ANO4: variants seen among roughly 807,000 people sequenced by gnomAD.
ANO4 encodes the protein anoctamin-4.
ANO4 carries 69 observed loss-of-function variants against 141.9 expected under a neutral mutation model. The observed-to-expected ratio is 0.49, with a 90% confidence interval of 0.40 to 0.59. ANO4 has a LOEUF of 0.59. Ranked by LOEUF, ANO4 falls within the 20% of genes least tolerant of loss-of-function variation. The pLI, the probability that ANO4 is intolerant of heterozygous loss-of-function variation, is 0.00. For synonymous variants in ANO4, 350 were observed against 394.3 expected, an observed-to-expected ratio of 0.89 and a Z score of 1.33; for missense variants, 894 against 1,162.2, an observed-to-expected ratio of 0.77 and a Z score of 3.36.
intron 8 of ANO4, among the ~76,000 whole-genome samples, chr12:101,004,174 C>G (rs1043829871): frequency 6.6e-6 from 1 of 151,654 alleles, no homozygotes; most frequent in Non-Finnish European, 1.5e-5. Context: ...ACTATAGTGT[C>G]GCAAAGGAAA....
intron 10 of ANO4, among the ~76,000 whole-genome samples, chr12:101,037,742 C>G (rs1174681580): frequency 6.6e-6 from 1 of 152,158 alleles, no homozygotes; most frequent in Non-Finnish European, 1.5e-5. Context: ...TTCCCCTACA[C>G]CTGGGTTTTT....
At position 100,754,041 on chromosome 12, in the gene ANO4, C is replaced by G. The variant is rs555046283; in HGVS notation, c.358+13936C>G. On this transcript the variant is annotated intron_variant, in intron 3 of 29. Transcript: ENST00000644049. ...TTGCTCTTGTGAATAATGGCTGGCA[C>G]CATTATTCAACCAGACACTGAAATT... Among the ~76,000 whole-genome samples the G allele has an allele frequency of 1.2e-4, 18 of 152,276 alleles. No homozygotes were observed. The South Asian group carries it at 3.5e-3, about 30-fold the overall frequency.
At chr12:100,946,118 G>A (rs912509899) in intron 5 of ANO4, among the ~76,000 whole-genome samples, 1 of 152,176 alleles carries the variant, frequency 6.6e-6, no homozygotes, top group African/African-American at 2.4e-5. Context: ...GATGGAGCAT[G>A]CCTGGTGTGT....
intron 14 of ANO4, among the ~76,000 whole-genome samples, chr12:101,054,242 A>ATT (rs2048001937): frequency 1.3e-5 from 2 of 152,190 alleles, no homozygotes; most frequent in African/African-American, 4.8e-5. Context: ...TTGTATTTAA[A>ATT]TTTTTTTAAA....
At chr12:101,088,115 C>T (rs1336125894) in intron 17 of ANO4, among the ~76,000 whole-genome samples, 1 of 152,108 alleles carries the variant, frequency 6.6e-6, no homozygotes, top group Non-Finnish European at 1.5e-5. Context: ...GGCTTTCGCT[C>T]ATCTGGTCTG....
At chr12:101,062,376 A>T (rs1011913758) in intron 14 of ANO4, among the ~76,000 whole-genome samples, 5 of 152,172 alleles carry the variant, frequency 3.3e-5, no homozygotes, top group Non-Finnish European at 7.4e-5. Context: ...GACCCACTTG[A>T]GGAGGTAGTC....
chr12:101,039,179 T>C (rs1365991118), intron 10 of ANO4: 1 of 152,186 alleles, frequency 6.6e-6, no homozygotes, highest in Non-Finnish European at 1.5e-5. Context: ...GTTACAACTA[T>C]GGCTGTTTAC....
At chr12:100,942,586 G>A (rs753355407) in intron 5 of ANO4, 51 bp downstream of exon 5, 1 of 1,555,110 alleles carries the variant, frequency 6.4e-7, no homozygotes, top group African/African-American at 1.4e-5. Flanking sequence ...CTATTCATAT[G>A]AAGAGGCAAT....
intron 7 of ANO4, among the ~76,000 whole-genome samples, chr12:100,978,672 A>C (rs2044312436): frequency 2.0e-5 from 3 of 152,224 alleles, no homozygotes; most frequent in Admixed American, 2.0e-4. Flanking sequence ...AAGGCAAAGC[A>C]TGTGAGAAAT....
At chr12:100,763,948 T>C (rs888783051) in intron 3 of ANO4, among the ~76,000 whole-genome samples, 2 of 152,148 alleles carry the variant, frequency 1.3e-5, no homozygotes, top group African/African-American at 4.8e-5. Context: ...CCAACTGTTA[T>C]GTATCTCAAG....
chr12:101,013,118 T>C (rs1398652273), intron 8 of ANO4, among the ~76,000 whole-genome samples: 3 of 152,182 alleles, frequency 2.0e-5, no homozygotes, highest in African/African-American at 7.2e-5. Context: ...AGTGCCCTTT[T>C]TTAAGATGGA....
chr12:100,752,725 G>A (rs2032440016), intron 3 of ANO4, among the ~76,000 whole-genome samples: 1 of 152,134 alleles, frequency 6.6e-6, no homozygotes, highest in Admixed American at 6.6e-5. Context: ...TCCCAGAGTT[G>A]GCAAAGATGT....
chr12:101,094,322 C>G (rs751565150), intron 18 of ANO4, 30 bp downstream of exon 18: 7 of 1,581,292 alleles, frequency 4.4e-6, no homozygotes, highest in Non-Finnish European at 5.2e-6. Flanking sequence ...TTTCATAGAA[C>G]TGTACTGTGG....
chr12:100,858,473 A>G (rs936287979), intron 1 of ANO4, among the ~76,000 whole-genome samples: 1 of 152,174 alleles, frequency 6.6e-6, no homozygotes, highest in African/African-American at 2.4e-5. Flanking sequence ...GGCAATATCT[A>G]TATGTATATG....
chr12:100,829,827 G>A (rs1337088022), intron 1 of ANO4, among the ~76,000 whole-genome samples: 1 of 152,068 alleles, frequency 6.6e-6, no homozygotes, highest in African/African-American at 2.4e-5. Context: ...TCTTTGTGAA[G>A]TGGGTGCCAT....
intron 14 of ANO4, among the ~76,000 whole-genome samples, chr12:101,056,460 T>A (rs909139365): frequency 1.3e-5 from 2 of 152,196 alleles, no homozygotes; most frequent in Non-Finnish European, 2.9e-5. Context: ...TGTGACTTAC[T>A]AAACTCAGTT....
chr12:100,857,943 C>G (rs1437019872), intron 1 of ANO4, among the ~76,000 whole-genome samples: 2 of 151,944 alleles, frequency 1.3e-5, no homozygotes, highest in Non-Finnish European at 2.9e-5. Flanking sequence ...ACCACTAGAA[C>G]CAGAAAAGAA....
chr12:100,735,429 C>T (rs2031562567), intron 2 of ANO4, among the ~76,000 whole-genome samples: 1 of 152,148 alleles, frequency 6.6e-6, no homozygotes, highest in East Asian at 1.9e-4. Context: ...AGACATTAAA[C>T]ATTAGCTAAG....
chr12:101,125,097 C>T (rs1007627857), intron 26 of ANO4, among the ~76,000 whole-genome samples: 3 of 152,166 alleles, frequency 2.0e-5, no homozygotes, highest in African/African-American at 7.2e-5. Context: ...TCTTTCTATC[C>T]ATGAGCATGG....
Sources: allele counts gnomAD v4.1 joint callset (sites outside exome capture counted in the v4.1 genomes callset), GRCh38; gene constraint gnomAD v4.1.1; transcripts MANE v1.5; gene names NCBI Gene and HGNC (gene_info 2026-07-23, HGNC 2026-07-21).